TSPAN12: variants seen among roughly 807,000 people sequenced by gnomAD.
TSPAN12 encodes the protein tetraspanin 12.
Under a neutral mutation model 39.2 loss-of-function variants are expected in TSPAN12, and 19 were observed. The observed-to-expected ratio is 0.49, with a 90% CI of 0.34 to 0.71. TSPAN12 has a LOEUF of 0.71. Among genes scored for constraint, TSPAN12 ranks in the 30% least tolerant of loss-of-function variants. The pLI, the probability that TSPAN12 is intolerant of heterozygous loss-of-function variation, is 0.01. For missense variants in TSPAN12, 314 were observed against 359.9 expected (o/e 0.87, Z 1.03); for synonymous variants, 119 against 124.8 (o/e 0.95, Z 0.31).
chr7:120,853,722 A>T (rs1338717708), intron 2 of TSPAN12, among the ~76,000 whole-genome samples: 4 of 150,990 alleles, frequency 2.6e-5, no homozygotes, highest in Non-Finnish European at 5.9e-5. Context: ...AAAAATACAA[A>T]AATTAGCTGG....
At chr7:120,817,666 C>T (rs1794110682) in intron 4 of TSPAN12, among the ~76,000 whole-genome samples, 1 of 152,006 alleles carries the variant, frequency 6.6e-6, no homozygotes. Flanking sequence ...CATACCTTGC[C>T]CAGTTGTGGT....
Position 120,838,839 on chromosome 7 carries a change from T to C in TSPAN12, c.223A>G (p.Ile75Val). 1.2e-6 allele frequency: 2 copies of C among 1,613,936 alleles called. No homozygotes were observed. Among genetic ancestry groups the C allele is most frequent in the African/African-American group, 1.3e-5 (1 of 75,004 alleles). ...CAATATCCTAACATCCCCACAATGA[T>C]AAGGAAACAGCAAACAGCAATCATG... ...PVMIAVCCFL[I>V]IVGMLGYCGT... The change falls in exon 4 of 8, where the codon ATC becomes GTC. Residue 75 changes from isoleucine (I) to valine (V), a missense_variant. Coordinates refer to ENST00000222747, the MANE Select transcript of TSPAN12 (RefSeq NM_012338.4).
At position 120,789,046 on chromosome 7, in the gene TSPAN12, TG is replaced by T. The variant is rs1479909364; in HGVS notation, c.613-150del. ...GACAGTGGTTCTCAGGGAAAGCTGA[TG>T]AGAAGAAGGAGAGAGGGAGGTGTGT... On this transcript the variant is annotated intron_variant, in intron 7 of 7. Transcript: ENST00000222747. 8.4e-6 allele frequency: 7 copies of T among 833,346 alleles called. No homozygotes were observed. The East Asian group carries it at 1.1e-4, about 13-fold the overall frequency. The allele number at this position is 833,346 out of a possible 1,614,324, so 51.6% of individuals were successfully genotyped here. A position where few individuals can be genotyped will look rare whatever the true frequency, so the allele number is the denominator to read the frequency against.
intron 4 of TSPAN12, among the ~76,000 whole-genome samples, chr7:120,824,052 T>C (rs1181232548): frequency 6.6e-6 from 1 of 152,058 alleles, no homozygotes; most frequent in African/African-American, 2.4e-5. Context: ...TCAGGTACAG[T>C]CTTCCTTTCC....
At chr7:120,809,228 G>A (rs1380426364) in intron 6 of TSPAN12, among the ~76,000 whole-genome samples, 1 of 151,990 alleles carries the variant, frequency 6.6e-6, no homozygotes, top group Non-Finnish European at 1.5e-5. Flanking sequence ...TCTAGGTGCA[G>A]CTTCCATCAG....
chr7:120,824,035 TA>T (rs924888810), intron 4 of TSPAN12, among the ~76,000 whole-genome samples: 1 of 152,154 alleles, frequency 6.6e-6, no homozygotes, highest in African/African-American at 2.4e-5. Flanking sequence ...GGAAATATTC[TA>T]ACTGCTCAGG....
Position 120,788,504 on chromosome 7 carries a change from C to T in TSPAN12, c.*88G>A, listed in dbSNP as rs1793451918. On this transcript the variant is annotated 3_prime_UTR_variant, in exon 8 of 8. Coordinates refer to ENST00000222747, the MANE Select transcript of TSPAN12 (RefSeq NM_012338.4). ...TTATTTTATGGCAACATTTTTATTT[C>T]TACATATTTCTGAAACACATAGTAT... is the stretch of plus-strand genomic sequence containing the variant. 3.4e-6 allele frequency: 5 copies of T among 1,478,802 alleles called. No homozygotes were observed. The highest frequency in any genetic ancestry group is 4.7e-6 in the Non-Finnish European group (5 of 1,062,072). 91.6% of individuals were successfully genotyped at this position (1,478,802 alleles called of 1,614,324 possible). A position where few individuals can be genotyped will look rare whatever the true frequency, so the allele number is the denominator to read the frequency against.
At chr7:120,834,826 C>G (rs576968807) in intron 4 of TSPAN12, among the ~76,000 whole-genome samples, 2 of 152,098 alleles carry the variant, frequency 1.3e-5, no homozygotes, top group Non-Finnish European at 2.9e-5. Context: ...GGTTAAAGGG[C>G]ACACAAAAAA....
intron 2 of TSPAN12, among the ~76,000 whole-genome samples, chr7:120,848,572 A>T (rs1301382868): frequency 6.6e-6 from 1 of 152,232 alleles, no homozygotes; most frequent in Non-Finnish European, 1.5e-5. Context: ...TCAGATTAGA[A>T]GCTGGCTAAA....
intron 5 of TSPAN12, 21 bp downstream of exon 5, chr7:120,815,708 T>C (rs1387541980): frequency 3.7e-6 from 6 of 1,600,276 alleles, no homozygotes; most frequent in Non-Finnish European, 4.3e-6. Flanking sequence ...TAGATTGTGA[T>C]TATATCTATT....
At chr7:120,825,763 A>G (rs1794273974) in intron 4 of TSPAN12, among the ~76,000 whole-genome samples, 1 of 152,226 alleles carries the variant, frequency 6.6e-6, no homozygotes, top group African/African-American at 2.4e-5. Flanking sequence ...TTAAGAATCC[A>G]TGGGGACTAA....
intron 2 of TSPAN12, among the ~76,000 whole-genome samples, chr7:120,843,343 G>A (rs375197808): frequency 7.2e-5 from 11 of 152,268 alleles, no homozygotes; most frequent in African/African-American, 2.6e-4. Context: ...CCTTGCCTTG[G>A]CCTGCTGCCT....
At chr7:120,791,351 T>G (rs908013289) in intron 7 of TSPAN12, among the ~76,000 whole-genome samples, 6 of 150,630 alleles carry the variant, frequency 4.0e-5, no homozygotes, top group African/African-American at 1.5e-4. Context: ...GATTTAGAGG[T>G]AAACCATTCA....
At chr7:120,815,911 T>A in intron 4 of TSPAN12, 108 bp from the exon 5 acceptor site, 2 of 938,842 alleles carry the variant, frequency 2.1e-6, no homozygotes, top group South Asian at 2.9e-5. Context: ...CAGAGGCAAG[T>A]TTTCATGAAG....
chr7:120,805,232 A>G (rs1793848544), intron 7 of TSPAN12, among the ~76,000 whole-genome samples: 1 of 152,096 alleles, frequency 6.6e-6, no homozygotes, highest in Admixed American at 6.6e-5. Context: ...GCCCAGAGTT[A>G]CTCATATCTA....
intron 7 of TSPAN12, 124 bp downstream of exon 7, chr7:120,806,425 G>GA (rs1793874758): frequency 9.7e-7 from 1 of 1,027,398 alleles, no homozygotes; most frequent in African/African-American, 1.6e-5. Flanking sequence ...CCATATTAGA[G>GA]AAAAATTTTA....
intron 4 of TSPAN12, among the ~76,000 whole-genome samples, chr7:120,832,275 A>T (rs961751343): frequency 6.6e-6 from 1 of 152,130 alleles, no homozygotes; most frequent in African/African-American, 2.4e-5. Context: ...AATGTGAATT[A>T]TCATTTCATC....
intron 4 of TSPAN12, among the ~76,000 whole-genome samples, chr7:120,826,183 A>G (rs1244576127): frequency 6.6e-6 from 1 of 152,152 alleles, no homozygotes; most frequent in Non-Finnish European, 1.5e-5. Flanking sequence ...TGCTGAGCTA[A>G]TTTCTTATTA....
In TSPAN12 at chr7:120,840,017, T is replaced by C. The variant is rs757929049; in HGVS notation, c.149+10A>G. The C allele has an allele frequency of 6.2e-7, 1 of 1,601,666 alleles. No homozygotes were observed. On this transcript the variant is annotated intron_variant, in intron 3 of 7. Coordinates refer to ENST00000222747, the MANE Select transcript of TSPAN12 (RefSeq NM_012338.4). ...CAAGAAAGAATTCAATCAATAATTA[T>C]AAAGTATACCTCGTTTCTGCAGTTA...
Sources: allele counts gnomAD v4.1 joint callset (sites outside exome capture counted in the v4.1 genomes callset), GRCh38; gene constraint gnomAD v4.1.1; transcripts MANE v1.5; gene names NCBI Gene and HGNC (gene_info 2026-07-23, HGNC 2026-07-21).